The following CACNB2 variants were observed in gnomAD, a reference collection of about 807,000 sequenced individuals.
The protein encoded by CACNB2 is voltage-dependent L-type calcium channel subunit beta-2.
A neutral mutation model predicts 73.3 loss-of-function variants in CACNB2; 42 were observed. That is an observed-to-expected ratio of 0.57 (90% CI 0.45 to 0.74). The LOEUF (loss-of-function observed/expected upper bound fraction) is 0.74, where lower values mean the gene tolerates loss of function less well. Among genes scored for constraint, CACNB2 ranks in the 30% least tolerant of loss-of-function variants. The pLI is 0.00. For synonymous variants in CACNB2, 348 were observed against 310.3 expected, an observed-to-expected ratio of 1.12 and a Z score of -1.28; for missense variants, 940 against 853.0, an observed-to-expected ratio of 1.10 and a Z score of -1.27.
intron 3 of CACNB2, among the ~76,000 whole-genome samples, chr10:18,425,333 C>G (rs753652266): frequency 1.3e-5 from 2 of 152,138 alleles, no homozygotes; most frequent in African/African-American, 2.4e-5. Flanking sequence ...ATGTATCTAT[C>G]TTTTCTGTCA....
At chr10:18,431,737 A>T (rs999454028) in intron 3 of CACNB2, among the ~76,000 whole-genome samples, 1 of 151,142 alleles carries the variant, frequency 6.6e-6, no homozygotes, top group Non-Finnish European at 1.5e-5. Context: ...CCCCAAAGAT[A>T]TCTTTGTTGA....
At chr10:18,419,221 T>C (rs2045182108) in intron 3 of CACNB2, among the ~76,000 whole-genome samples, 1 of 152,212 alleles carries the variant, frequency 6.6e-6, no homozygotes, top group African/African-American at 2.4e-5. Context: ...TCTATGAGTT[T>C]AAGTAGCCTG....
At position 18,500,799 on chromosome 10, in the gene CACNB2, A is replaced by C; in HGVS notation, c.457-13A>C. On this transcript the variant is annotated splice_polypyrimidine_tract_variant and intron_variant, in intron 4 of 13. Coordinates refer to ENST00000324631, the MANE Select transcript of CACNB2 (RefSeq NM_201596.3). ...TGTGCACTGATTTTTAATGCTTTTG[A>C]TTTTGTGTTTAGAAATTTAACAATG... The C allele has an allele frequency of 6.2e-7, 1 of 1,613,332 alleles. No individual in the cohort carries two copies. The highest frequency in any genetic ancestry group is 8.5e-7 in the Non-Finnish European group (1 of 1,179,626).
At chr10:18,437,940 T>C (rs1347374319) in intron 3 of CACNB2, among the ~76,000 whole-genome samples, 2 of 149,830 alleles carry the variant, frequency 1.3e-5, no homozygotes, top group Non-Finnish European at 3.0e-5. Flanking sequence ...TAATTAGAAA[T>C]GTATTAAAAC....
At chr10:18,256,720 T>C (rs2037301264) in intron 2 of CACNB2, 1 of 152,186 alleles carries the variant, frequency 6.6e-6, no homozygotes, top group Admixed American at 6.5e-5. Flanking sequence ...GTGGGTAGAT[T>C]GCACGAGCTC....
intron 3 of CACNB2, among the ~76,000 whole-genome samples, chr10:18,447,346 A>G (rs528339300): frequency 6.6e-6 from 1 of 152,320 alleles, no homozygotes; most frequent in South Asian, 2.1e-4. Context: ...AGAGATTTGG[A>G]TAGCAAGATT....
intron 3 of CACNB2, among the ~76,000 whole-genome samples, chr10:18,459,410 C>A (rs1460396950): frequency 6.6e-6 from 1 of 152,122 alleles, no homozygotes; most frequent in African/African-American, 2.4e-5. Context: ...ACCATTCTTT[C>A]AGAGTTTCAT....
At chr10:18,173,949 G>C (rs2033417509) in intron 2 of CACNB2, among the ~76,000 whole-genome samples, 1 of 152,182 alleles carries the variant, frequency 6.6e-6, no homozygotes, top group Admixed American at 6.5e-5. Flanking sequence ...GTGAGTCTCA[G>C]ATGGCCTTTA....
intron 2 of CACNB2, among the ~76,000 whole-genome samples, chr10:18,360,888 A>G (rs990056973): frequency 6.6e-6 from 1 of 152,114 alleles, no homozygotes; most frequent in Non-Finnish European, 1.5e-5. Context: ...GATATTCCCT[A>G]CTCACTGTGG....
chr10:18,261,306 C>T (rs1030628843), intron 2 of CACNB2: 1 of 1,551,532 alleles, frequency 6.4e-7, no homozygotes, highest in Non-Finnish European at 8.7e-7. Flanking sequence ...CCGGCGAGTA[C>T]GGGTGTCCTA....
At chr10:18,243,887 G>A (rs2036760448) in intron 2 of CACNB2, among the ~76,000 whole-genome samples, 1 of 152,178 alleles carries the variant, frequency 6.6e-6, no homozygotes, top group Admixed American at 6.5e-5. Context: ...CAAGTATTCA[G>A]TTATAGCCAT....
At chr10:18,271,897 C>G (rs531008098) in intron 2 of CACNB2, among the ~76,000 whole-genome samples, 2 of 152,224 alleles carry the variant, frequency 1.3e-5, no homozygotes, top group South Asian at 4.1e-4. Flanking sequence ...CCATTCTCCT[C>G]CATACCACCA....
chr10:18,417,923 A>G (rs2045088301), intron 3 of CACNB2, among the ~76,000 whole-genome samples: 1 of 73,438 alleles, frequency 1.4e-5, no homozygotes, highest in Admixed American at 1.3e-4. Context: ...TCGTAAGGGG[A>G]AAAAAACGAA....
intron 2 of CACNB2, among the ~76,000 whole-genome samples, chr10:18,291,155 C>G (rs1396930020): frequency 3.3e-5 from 5 of 152,176 alleles, no homozygotes; most frequent in Non-Finnish European, 7.3e-5. Context: ...CTCATTGTAC[C>G]TGAGACTATG....
At chr10:18,288,843 G>A (rs947669579) in intron 2 of CACNB2, among the ~76,000 whole-genome samples, 14 of 152,100 alleles carry the variant, frequency 9.2e-5, no homozygotes, top group Non-Finnish European at 1.5e-4. Flanking sequence ...TCAGGAGATC[G>A]AGACCAGCCT....
At chr10:18,472,870 A>G (rs2048263231) in intron 3 of CACNB2, among the ~76,000 whole-genome samples, 1 of 152,134 alleles carries the variant, frequency 6.6e-6, no homozygotes, top group Admixed American at 6.5e-5. Context: ...TTCTGTAGCC[A>G]TTTCAGTTTA....
intron 2 of CACNB2, among the ~76,000 whole-genome samples, chr10:18,309,092 A>T (rs2039858493): frequency 6.6e-6 from 1 of 152,240 alleles, no homozygotes; most frequent in East Asian, 1.9e-4. Flanking sequence ...AATATTGTCA[A>T]CAATGAAGTA....
chr10:18,529,476 AGAGCTGTTGCTGCAG>A (rs1419339162), intron 10 of CACNB2, among the ~76,000 whole-genome samples: 1 of 152,220 alleles, frequency 6.6e-6, no homozygotes, highest in Admixed American at 6.5e-5. Context: ...TGGCTGCCAA[AGAGCTGTTGCTGCAG>A]GAGGCACAGG....
At chr10:18,482,592 C>T (rs2048838975) in intron 3 of CACNB2, among the ~76,000 whole-genome samples, 2 of 152,162 alleles carry the variant, frequency 1.3e-5, no homozygotes, top group Admixed American at 1.3e-4. Flanking sequence ...TTCACTGCAA[C>T]CTCCACCTCC....
Sources: gnomAD v4.1 joint callset for allele counts (sites outside exome capture counted in the v4.1 genomes callset) on GRCh38, gnomAD v4.1.1 for gene constraint, MANE v1.5 for transcripts, NCBI Gene and HGNC (gene_info 2026-07-23, HGNC 2026-07-21) for gene names.